CRISPLD2: variants seen among roughly 807,000 people sequenced by gnomAD.
CRISPLD2 encodes cysteine-rich secretory protein LCCL domain-containing 2.
In CRISPLD2, 47 loss-of-function variants were observed where a neutral mutation model predicts 71.1. That is an observed-to-expected ratio of 0.66 (90% confidence interval 0.52 to 0.84). The LOEUF is 0.84. CRISPLD2 is among the 40% of genes least tolerant of loss of function. CRISPLD2 has a pLI of 0.00. For synonymous variants in CRISPLD2, 317 were observed against 250.1 expected (o/e 1.27, Z -2.52); for missense variants, 830 against 651.1 (o/e 1.27, Z -2.99).
intron 13 of CRISPLD2, among the ~76,000 whole-genome samples, chr16:84,884,086 C>A (rs1320629555): frequency 6.6e-6 from 1 of 152,196 alleles, no homozygotes; most frequent in African/African-American, 2.4e-5. Flanking sequence ...CTCAAGTGAT[C>A]TGCCTGCCTC....
In CRISPLD2 at chr16:84,902,145, GCTGC is replaced by G. The variant is rs142100485; in HGVS notation, c.1440-4440_1440-4437del. Among the ~76,000 whole-genome samples, 618 of 152,184 alleles carry G rather than the reference GCTGC, an allele frequency of 4.1e-3. 2 individuals carry two copies. Among genetic ancestry groups the G allele is most frequent in the African/African-American group, 0.015 (604 of 41,516 alleles). On this transcript the variant is annotated intron_variant, in intron 14 of 14. Coordinates refer to ENST00000262424, the MANE Select transcript of CRISPLD2 (RefSeq NM_031476.4). ...CGCTTTGGGGTCTACAAGGCGCCAT[GCTGC>G]CTTCTAGAACAAAATTCCAACAAAT...
chr16:84,875,108 G>A (rs1287121552), intron 11 of CRISPLD2, among the ~76,000 whole-genome samples: 1 of 152,050 alleles, frequency 6.6e-6, no homozygotes, highest in African/African-American at 2.4e-5. Context: ...TGGGCAGGGT[G>A]GCACACACCT....
intron 14 of CRISPLD2, among the ~76,000 whole-genome samples, chr16:84,893,907 C>G (rs940499554): frequency 6.6e-6 from 1 of 152,142 alleles, no homozygotes; most frequent in African/African-American, 2.4e-5. Flanking sequence ...AAGCCCTTGG[C>G]GAGGGGGCGG....
In CRISPLD2 at chr16:84,906,842, G is replaced by A. The variant is rs1051487612; in HGVS notation, c.*200G>A. 23 of 677,316 alleles carry A rather than the reference G, an allele frequency of 3.4e-5. No individual in the cohort carries two copies. Among genetic ancestry groups the A allele is most frequent in the Non-Finnish European group, 4.5e-5 (17 of 379,898 alleles). 42.0% of individuals were successfully genotyped at this position (677,316 alleles called of 1,614,324 possible). A position where few individuals can be genotyped will look rare whatever the true frequency, so the allele number is the denominator to read the frequency against. On this transcript the variant is annotated 3_prime_UTR_variant, in exon 15 of 15. Transcript: ENST00000262424. ...CAACAGCATCCCAAGGTGCTCAGCC[G>A]GACTCCCTGGTGCCTGATCCTGCTG... is the stretch of plus-strand genomic sequence containing the variant.
At chr16:84,891,056 C>T (rs1265365529) in intron 14 of CRISPLD2, among the ~76,000 whole-genome samples, 2 of 152,156 alleles carry the variant, frequency 1.3e-5, no homozygotes, top group East Asian at 1.9e-4. Context: ...TGTGAGCCAC[C>T]GCACTCGGCC....
At chr16:84,831,290 T>A (rs962260084) in intron 1 of CRISPLD2, among the ~76,000 whole-genome samples, 1 of 152,136 alleles carries the variant, frequency 6.6e-6, no homozygotes, top group African/African-American at 2.4e-5. Flanking sequence ...ACCTGGCACA[T>A]GACATCTTGG....
intron 14 of CRISPLD2, among the ~76,000 whole-genome samples, chr16:84,895,482 A>T (rs956901730): frequency 6.6e-6 from 1 of 152,240 alleles, no homozygotes; most frequent in African/African-American, 2.4e-5. Context: ...GTGCCCTGTT[A>T]ACCTCAGTTA....
At chr16:84,879,192 G>A (rs2143311176) in intron 12 of CRISPLD2, among the ~76,000 whole-genome samples, 1 of 152,326 alleles carries the variant, frequency 6.6e-6, no homozygotes, top group Non-Finnish European at 1.5e-5. Context: ...GGGGATAACA[G>A]CCTTTTAGTA....
In CRISPLD2 at chr16:84,849,518, G is replaced by A; in HGVS notation, c.492+1G>A. On this transcript the variant is annotated splice_donor_variant, in intron 4 of 14. Transcript: ENST00000262424. LOFTEE classifies it high-confidence loss of function. ...GCCCATGTGCACGCACTACACACAG[G>A]TAACTCGGGGACTTGCCACGACCTC... The A allele has an allele frequency of 6.2e-7, 1 of 1,613,758 alleles. No individual in the cohort carries two copies. The highest frequency in any genetic ancestry group is 1.1e-5 in the South Asian group (1 of 91,064).
chr16:84,889,195 C>T (rs370522536), intron 13 of CRISPLD2, 35 bp from the exon 14 acceptor site: 14 of 1,613,456 alleles, frequency 8.7e-6, no homozygotes, highest in South Asian at 3.3e-5. Flanking sequence ...AGCTGGAATC[C>T]GCATCGCTGA....
intron 4 of CRISPLD2, among the ~76,000 whole-genome samples, chr16:84,850,317 C>T (rs574407603): frequency 1.3e-5 from 2 of 152,168 alleles, no homozygotes; most frequent in East Asian, 1.9e-4. Context: ...TCTCAAACTC[C>T]TGACCTCATG....
In CRISPLD2 at chr16:84,837,316, A is replaced by T. The variant is rs577291516; in HGVS notation, c.-74-1106A>T. 4.0e-5 allele frequency among the ~76,000 whole-genome samples: 6 copies of T among 148,404 alleles called. No individual in the cohort carries two copies. In the East Asian group the frequency reaches 1.2e-3, roughly 30 times the overall value. On this transcript the variant is annotated intron_variant, in intron 1 of 14. Transcript: ENST00000262424. The stretch of plus-strand genomic sequence containing the variant: ...AGGAGTCAAGGTAGCTTGCTGGAAA[A>T]CTCTGGGTCTTTGTAATCATCATTT...
intron 1 of CRISPLD2, among the ~76,000 whole-genome samples, chr16:84,828,603 C>T (rs1305738221): frequency 5.3e-5 from 8 of 152,116 alleles, no homozygotes; most frequent in Non-Finnish European, 1.0e-4. Context: ...AACAACCACA[C>T]GTCTTCAAGA....
chr16:84,879,933 A>G (rs1184769473), intron 12 of CRISPLD2, among the ~76,000 whole-genome samples: 1 of 152,196 alleles, frequency 6.6e-6, no homozygotes, highest in African/African-American at 2.4e-5. Context: ...GAGTTTGTCA[A>G]ACCACCCAGG....
intron 9 of CRISPLD2, among the ~76,000 whole-genome samples, chr16:84,872,743 A>T (rs1189426063): frequency 6.6e-6 from 1 of 152,160 alleles, no homozygotes; most frequent in African/African-American, 2.4e-5. Flanking sequence ...CACACACTGG[A>T]CCGAGCAGGG....
chr16:84,872,890 C>T (rs1056390018), intron 9 of CRISPLD2, 102 bp from the exon 10 acceptor site: 6 of 1,425,960 alleles, frequency 4.2e-6, no homozygotes, highest in Non-Finnish European at 4.7e-6. Flanking sequence ...GCCTGTCCTT[C>T]AGGCTTTTAG....
At chr16:84,900,401 G>A (rs957791174) in intron 14 of CRISPLD2, among the ~76,000 whole-genome samples, 7 of 152,092 alleles carry the variant, frequency 4.6e-5, no homozygotes, top group African/African-American at 7.2e-5. Flanking sequence ...AGGAAACCCC[G>A]CCCAGAAATG....
intron 6 of CRISPLD2, among the ~76,000 whole-genome samples, chr16:84,857,325 C>T (rs1383766095): frequency 6.6e-6 from 1 of 152,226 alleles, no homozygotes; most frequent in African/African-American, 2.4e-5. Context: ...ACTAATAAAT[C>T]CTCCTCTGCT....
rs1420736303 is a variant in CRISPLD2, at chr16:84,907,459, T to A, written c.*817T>A. On this transcript the variant is annotated 3_prime_UTR_variant, in exon 15 of 15. Transcript: ENST00000262424. ...GGACCCTTTCTTTACCCCCTACCCG[T>A]TGTGGCTCCCACCCTGCCTCGGACT... The A allele has an allele frequency of 6.6e-6, 1 of 152,214 alleles. No individual in the cohort carries two copies. Among genetic ancestry groups the A allele is most frequent in the Admixed American group, 6.5e-5 (1 of 15,278 alleles). The allele number at this position is 152,214 out of a possible 1,614,324, so 9.4% of individuals were successfully genotyped here. A position where few individuals can be genotyped will look rare whatever the true frequency, so the allele number is the denominator to read the frequency against.
Sources: gnomAD v4.1 joint callset for allele counts (sites outside exome capture counted in the v4.1 genomes callset) on GRCh38, gnomAD v4.1.1 for gene constraint, MANE v1.5 for transcripts, NCBI Gene and HGNC (gene_info 2026-07-23, HGNC 2026-07-21) for gene names.